The following SLC22A6 variants were observed in gnomAD, a reference collection of about 807,000 sequenced individuals.
SLC22A6 encodes PAH transporter.
Under a neutral mutation model 56.7 loss-of-function variants are expected in SLC22A6, and 45 were observed. The ratio of observed to expected loss-of-function variants is 0.79; its 90% CI spans 0.63 to 1.02. The LOEUF is 1.02. Among genes scored for constraint, SLC22A6 ranks in the 50% least tolerant of loss-of-function variants. The probability of loss-of-function intolerance (pLI) is 0.00; values close to 1 mark genes in which losing one functional copy is unlikely to be tolerated. For missense variants in SLC22A6, 606 were observed against 713.8 expected (o/e 0.85, Z 1.72); for synonymous variants, 291 against 295.9 (o/e 0.98, Z 0.17).
Position 62,979,444 on chromosome 11 carries a change from T to C in SLC22A6, c.1361+44A>G, listed in dbSNP as rs1274500759. ...TGACCTGTGCACAGAAGAATGTCTT[T>C]CCCCAGGAAAAGGCTGTCATTCTCC... On this transcript the variant is annotated intron_variant, in intron 8 of 9. Transcript: ENST00000360421. The C allele has an allele frequency of 3.1e-6, 4 of 1,281,964 alleles. No individual in the cohort carries two copies. In the African/African-American group the frequency reaches 5.8e-5, roughly 19 times the overall value. The allele number at this position is 1,281,964 out of a possible 1,614,324, so 79.4% of individuals were successfully genotyped here. A position where few individuals can be genotyped will look rare whatever the true frequency, so the allele number is the denominator to read the frequency against.
chr11:62,984,676 G>T lies in SLC22A6; in HGVS notation c.15C>A (p.Asp5Glu), dbSNP rs746807941. The T allele has an allele frequency of 2.5e-6, 4 of 1,613,116 alleles. No individual in the cohort carries two copies. The highest frequency in any genetic ancestry group is 2.2e-5 in the East Asian group (1 of 44,872). ...CGACACCCCCCACCTGCTGCAGGAGGTCATTAAAGGCCATTGGGCCAGGCC... is the reference window on the plus strand; with the variant it reads ...CGACACCCCCCACCTGCTGCAGGAGTTCATTAAAGGCCATTGGGCCAGGCC... MAFN[D>E]LLQQVGGVGR... Residue 5 changes from aspartate (D) to glutamate (E), a missense_variant, in exon 1 of 10, where the codon GAC becomes GAA. Asp to Glu is a conservative substitution (Grantham distance 45). Coordinates refer to ENST00000360421, the MANE Select transcript of SLC22A6 (RefSeq NM_153276.3).
In SLC22A6 at chr11:62,976,762, C is replaced by A. The variant is rs1246990664; in HGVS notation, c.*32G>T. On this transcript the variant is annotated 3_prime_UTR_variant, in exon 10 of 10. Coordinates refer to ENST00000360421, the MANE Select transcript of SLC22A6 (RefSeq NM_153276.3). ...CGGAGACCTGTAGGACCTTCCCTCC[C>A]TTTAGGGTTCTGTAAGGCCCCTTCT... 6.3e-7 allele frequency: 1 copy of A among 1,583,358 alleles called. No individual in the cohort carries two copies. Among genetic ancestry groups the A allele is most frequent in the South Asian group, 1.1e-5 (1 of 88,050 alleles).
At chr11:62,981,624 G>C (rs531610265) in intron 4 of SLC22A6, among the ~76,000 whole-genome samples, 1 of 152,342 alleles carries the variant, frequency 6.6e-6, no homozygotes, top group South Asian at 2.1e-4. Context: ...CAGGCAGGCT[G>C]GAGAACGGAG....
In SLC22A6 at chr11:62,984,710, T is replaced by A. The variant is rs4149171; in HGVS notation, c.-20A>T. 5.0e-6 allele frequency: 8 copies of A among 1,604,882 alleles called. No homozygotes were observed. In the African/African-American group the frequency reaches 9.4e-5, roughly 19 times the overall value. ...GGCCATTGGGCCAGGCCCAGCCCAGTGGCTGGGGGCTGAGGCCTTCCAGTC... is the reference window on the plus strand; with the variant it reads ...GGCCATTGGGCCAGGCCCAGCCCAGAGGCTGGGGGCTGAGGCCTTCCAGTC... On this transcript the variant is annotated 5_prime_UTR_variant, in exon 1 of 10. Coordinates refer to ENST00000360421, the MANE Select transcript of SLC22A6 (RefSeq NM_153276.3).
chr11:62,978,879 C>T lies in SLC22A6; in HGVS notation c.1361+609G>A, dbSNP rs141468517. Among the ~76,000 whole-genome samples, 510 of 152,076 alleles carry T rather than the reference C, an allele frequency of 3.4e-3. 4 individuals carry two copies. The highest frequency in any genetic ancestry group is 0.012 in the African/African-American group (488 of 41,512). On this transcript the variant is annotated intron_variant, in intron 8 of 9. Transcript: ENST00000360421. ...TGCTGGGATTACAGGCGTGAGCCAC[C>T]GTGCCCGGCCGGTCTTGATCTCTTG...
intron 4 of SLC22A6, 55 bp from the exon 5 acceptor site, chr11:62,981,438 G>GC: frequency 3.2e-6 from 3 of 940,846 alleles, no homozygotes; most frequent in Non-Finnish European, 3.1e-6. Context: ...AGTCAGCTGG[G>GC]TGGGGGGCTG....
intron 6 of SLC22A6, 150 bp downstream of exon 6, chr11:62,980,835 T>A (rs1212527844): frequency 9.5e-6 from 6 of 634,750 alleles, no homozygotes; most frequent in Non-Finnish European, 1.6e-5. Flanking sequence ...GGGCATCTGG[T>A]TCCTAAGGAT....
chr11:62,981,852 T>A lies in SLC22A6; in HGVS notation c.787A>T (p.Ile263Phe). 6.2e-7 allele frequency: 1 copy of A among 1,611,348 alleles called. No homozygotes were observed. Among genetic ancestry groups the A allele is most frequent in the South Asian group, 1.1e-5 (1 of 90,354 alleles). The change falls in exon 4 of 10, where the codon ATC becomes TTC. Residue 263 changes from isoleucine (I) to phenylalanine (F), a missense_variant. Ile to Phe is a conservative substitution (Grantham distance 21, BLOSUM62 0). Transcript: ENST00000360421. The stretch of plus-strand genomic sequence containing the variant: ...CTAGGCCCCACGCACCAGGAGTAGA[T>A]GAAGAAGGCAAAAAAAGGCGCAGAG... ...LVSAPFFAFF[I>F]YSWFFIESAR...
chr11:62,984,601 C>A lies in SLC22A6; in HGVS notation c.90G>T (p.Leu30=), dbSNP rs1423126550. 5 of 1,613,554 alleles carry A rather than the reference C, an allele frequency of 3.1e-6. No individual in the cohort carries two copies. The highest frequency in any genetic ancestry group is 8.5e-7 in the Non-Finnish European group (1 of 1,179,788). The change falls in exon 1 of 10, where the codon CTG becomes CTT. Residue 30 remains leucine, a synonymous_variant. Coordinates refer to ENST00000360421, the MANE Select transcript of SLC22A6 (RefSeq NM_153276.3). ...QVTLVVLPLL[L]MASHNTLQNF... is the part of the protein sequence containing the mutation. ...TCTGCAGGGTGTTGTGAGAAGCCAT[C>A]AGGAGCAGGGGGAGGACCACCAGGG...
Position 62,979,888 on chromosome 11 carries a change from G to A in SLC22A6, c.1098C>T (p.Ser366=). The A allele has an allele frequency of 6.2e-7, 1 of 1,614,172 alleles. No individual in the cohort carries two copies. The highest frequency in any genetic ancestry group is 1.1e-5 in the South Asian group (1 of 91,082). ...LVMDLQGFGV[S]IYLIQVIFGA... Reference sequence around the variant, plus strand: ...CAAAGATCACCTGGATTAGGTAGATGCTGACTCCAAAGCCCTGCAGGTCCA... The same window carrying A: ...CAAAGATCACCTGGATTAGGTAGATACTGACTCCAAAGCCCTGCAGGTCCA... The change falls in exon 7 of 10, where the codon AGC becomes AGT. Residue 366 remains serine (S), a synonymous_variant. Coordinates refer to ENST00000360421, the MANE Select transcript of SLC22A6 (RefSeq NM_153276.3).
intron 6 of SLC22A6, 70 bp from the exon 7 acceptor site, chr11:62,980,018 TG>T: frequency 9.4e-7 from 1 of 1,069,500 alleles, no homozygotes; most frequent in Non-Finnish European, 1.4e-6. Context: ...TTCAAAACAG[TG>T]GGGGAACTGC....
chr11:62,976,940 T>C, intron 9 of SLC22A6, 59 bp from the exon 10 acceptor site: 2 of 1,586,520 alleles, frequency 1.3e-6, no homozygotes. Context: ...AGGGCCGGGA[T>C]ATGGAGGCTC....
rs1261625569 is a variant in SLC22A6 at position 62,981,353 on chromosome 11, G to C, written c.828C>G (p.Ser276=). ...GGGTGAGGTCCAGCCTCCCGGAGGA[G>C]GAGTGCCAGCGGGCCGACTCAATGA... ...WFFIESARWH[S]SSGRLDLTLR... is the part of the protein sequence containing the mutation. Residue 276 remains serine (S), a synonymous_variant, in exon 5 of 10, where the codon TCC becomes TCG. Transcript: ENST00000360421. 2.5e-6 allele frequency: 4 copies of C among 1,595,682 alleles called. No individual in the cohort carries two copies. Among genetic ancestry groups the C allele is most frequent in the Non-Finnish European group, 2.6e-6 (3 of 1,170,922 alleles).
At chr11:62,982,216 C>A (rs1261972267) in intron 3 of SLC22A6, among the ~76,000 whole-genome samples, 1 of 152,078 alleles carries the variant, frequency 6.6e-6, no homozygotes, top group African/African-American at 2.4e-5. Flanking sequence ...ACTGCCCCCT[C>A]CACACTCTTG....
intron 7 of SLC22A6, 58 bp from the exon 8 acceptor site, chr11:62,979,654 G>T (rs1171917807): frequency 6.3e-7 from 1 of 1,583,024 alleles, no homozygotes; most frequent in Non-Finnish European, 8.7e-7. Flanking sequence ...GGAGGAATTG[G>T]CCCCCTCCCT....
intron 6 of SLC22A6, among the ~76,000 whole-genome samples, chr11:62,980,403 G>A (rs1045276924): frequency 3.3e-5 from 5 of 152,200 alleles, no homozygotes; most frequent in African/African-American, 1.2e-4. Flanking sequence ...AAGATTATTG[G>A]CTAGAGCCCA....
At chr11:62,984,251 T>C (rs2135102302) in intron 1 of SLC22A6, 71 bp downstream of exon 1, 1 of 540,320 alleles carries the variant, frequency 1.9e-6, no homozygotes. Flanking sequence ...TCCATGTACT[T>C]TTTTTTTTTT....
At chr11:62,982,704 G>A (rs2086269358) in intron 3 of SLC22A6, among the ~76,000 whole-genome samples, 1 of 152,184 alleles carries the variant, frequency 6.6e-6, no homozygotes, top group South Asian at 2.1e-4. Context: ...GGAAACATGG[G>A]GTAAGCGGGG....
chr11:62,983,520 T>C lies in SLC22A6; in HGVS notation c.628+17A>G. 6.4e-7 allele frequency: 1 copy of C among 1,552,806 alleles called. No individual in the cohort carries two copies. The highest frequency in any genetic ancestry group is 2.4e-5 in the East Asian group (1 of 41,194). Reference sequence around the variant, plus strand: ...GCTGGGTGGCCGGAGGGGAGTGGGCTGGTAAGAATCTCTCACTCAGTGTCA... The same window carrying C: ...GCTGGGTGGCCGGAGGGGAGTGGGCCGGTAAGAATCTCTCACTCAGTGTCA... On this transcript the variant is annotated intron_variant, in intron 3 of 9. Coordinates refer to ENST00000360421, the MANE Select transcript of SLC22A6 (RefSeq NM_153276.3). This position sits in a 1 kb window ranked among gnomAD's most constrained non-coding sequence, Gnocchi z 4.5.
Sources: gnomAD v4.1 joint callset for allele counts (sites outside exome capture counted in the v4.1 genomes callset) on GRCh38, gnomAD v4.1.1 for gene constraint, Gnocchi (gnomAD v3.1) non-coding constraint, MANE v1.5 for transcripts, NCBI Gene and HGNC (gene_info 2026-07-23, HGNC 2026-07-21) for gene names.